Variants in PDK4 observed in about 807,000 individuals in gnomAD.
The protein encoded by PDK4 is pyruvate dehydrogenase kinase 4, also known as pyruvate dehydrogenase kinase, isozyme 4.
A neutral mutation model predicts 51.7 loss-of-function variants in PDK4; 43 were observed. The ratio of observed to expected loss-of-function variants is 0.83; its 90% CI spans 0.65 to 1.07. PDK4 has a LOEUF of 1.07. Ranked by LOEUF, PDK4 falls within the 50% of genes least tolerant of loss-of-function variation. The pLI, the probability that PDK4 is intolerant of heterozygous loss-of-function variation, is 0.00. For missense variants in PDK4, 498 were observed against 503.5 expected, an observed-to-expected ratio of 0.99 and a Z score of 0.10; for synonymous variants, 170 against 176.6, an observed-to-expected ratio of 0.96 and a Z score of 0.30.
At position 95,596,373 on chromosome 7, in the gene PDK4, G is replaced by A. The variant is rs1791622827; in HGVS notation, c.-80C>T. On this transcript the variant is annotated 5_prime_UTR_variant, in exon 1 of 11. Transcript: ENST00000005178. ...GCTCGGAGCAGAGCCTGGTTCCGAG[G>A]GGGCGCGGCGCGTCCGGGCGAGGAC... The A allele has an allele frequency of 7.0e-7, 1 of 1,429,114 alleles. No homozygotes were observed. The highest frequency in any genetic ancestry group is 1.4e-5 in the South Asian group (1 of 70,736). 88.5% of individuals were successfully genotyped at this position (1,429,114 alleles called of 1,614,324 possible).
rs1434849032 is a variant in PDK4, at chr7:95,592,553, C to T, written c.574G>A (p.Gly192Arg). 4 of 1,611,284 alleles carry T rather than the reference C, an allele frequency of 2.5e-6. No individual in the cohort carries two copies. The highest frequency in any genetic ancestry group is 3.3e-5 in the Admixed American group (2 of 60,006). The change falls in exon 5 of 11, where the codon GGA becomes AGA. Residue 192 changes from glycine to arginine, a missense_variant. Coordinates refer to ENST00000005178, the MANE Select transcript of PDK4 (RefSeq NM_002612.4). ...DSQTGNPSHI[G>R]SIDPNCDVVA... Reference sequence around the variant, plus strand: ...ACATCACAGTTAGGATCAATGCTTCCAATGTGGCTTGGGTTTCCTGTCTGT... The same window carrying T: ...ACATCACAGTTAGGATCAATGCTTCTAATGTGGCTTGGGTTTCCTGTCTGT...
intron 5 of PDK4, 57 bp downstream of exon 5, chr7:95,592,454 A>C: frequency 1.1e-6 from 1 of 945,240 alleles, no homozygotes; most frequent in South Asian, 1.3e-5. Flanking sequence ...AATTATAGAT[A>C]TGTCAATCAT....
intron 7 of PDK4, among the ~76,000 whole-genome samples, chr7:95,589,282 T>C (rs1258464839): frequency 6.6e-6 from 1 of 152,038 alleles, no homozygotes; most frequent in East Asian, 1.9e-4. Context: ...CCTGTGGGGG[T>C]GGAGGTAACA....
intron 1 of PDK4, among the ~76,000 whole-genome samples, chr7:95,595,924 A>T (rs949126142): frequency 1.3e-5 from 2 of 152,104 alleles, no homozygotes; most frequent in South Asian, 2.1e-4. Context: ...GAGTGTGCAG[A>T]TGAAGTCAAA....
chr7:95,586,773 CCTT>C (rs1377391776), intron 10 of PDK4: 2 of 395,312 alleles, frequency 5.1e-6, no homozygotes, highest in African/African-American at 2.0e-5. Context: ...AATGTATTAA[CCTT>C]CTTAGGAAAC....
chr7:95,589,708 G>GA lies in PDK4; in HGVS notation c.702dup (p.Pro235SerfsTer20). On this transcript the variant is annotated frameshift_variant, in exon 7 of 11. Transcript: ENST00000005178. LOFTEE classifies it high-confidence loss of function. Reference sequence around the variant, plus strand: ...TACACGATGTGAATTGGTTGGTCTGGAAATTTTCCTAGAAAAATAAAATTC... The same window carrying GA: ...TACACGATGTGAATTGGTTGGTCTGGAAAATTTTCCTAGAAAAATAAAATTC... The GA allele has an allele frequency of 6.4e-7, 1 of 1,556,390 alleles. No homozygotes were observed. The highest frequency in any genetic ancestry group is 8.9e-7 in the Non-Finnish European group (1 of 1,128,872).
chr7:95,589,503 T>A (rs1791526001), intron 7 of PDK4, 137 bp downstream of exon 7: 2 of 513,984 alleles, frequency 3.9e-6, no homozygotes, highest in Non-Finnish European at 7.0e-6. Flanking sequence ...TATAGTTTCT[T>A]TCTCTTAGGA....
At position 95,592,567 on chromosome 7, in the gene PDK4, T is replaced by C. The variant is rs146781803; in HGVS notation, c.560A>G (p.Asn187Ser). ...ATCAATGCTTCCAATGTGGCTTGGGTTTCCTGTCTGTGAGTCACTAAATAT... is the reference window on the plus strand; with the variant it reads ...ATCAATGCTTCCAATGTGGCTTGGGCTTCCTGTCTGTGAGTCACTAAATAT... ...ILIFSDSQTG[N>S]PSHIGSIDPN... Residue 187 changes from asparagine to serine, a missense_variant, in exon 5 of 11, where the codon AAC becomes AGC. Coordinates refer to ENST00000005178, the MANE Select transcript of PDK4 (RefSeq NM_002612.4). 1,831 of 1,610,882 alleles carry C rather than the reference T, an allele frequency of 1.1e-3. 48 individuals are homozygous for C. In the Admixed American group the frequency reaches 0.03, roughly 26 times the overall value.
chr7:95,585,898 TC>T, intron 10 of PDK4, 117 bp from the exon 11 acceptor site: 1 of 831,026 alleles, frequency 1.2e-6, no homozygotes, highest in Non-Finnish European at 1.9e-6. Context: ...TCAAATACAT[TC>T]ATTTAATTGA....
At chr7:95,594,505 CT>C (rs1562839297) in intron 2 of PDK4, among the ~76,000 whole-genome samples, 1 of 151,816 alleles carries the variant, frequency 6.6e-6, no homozygotes. Flanking sequence ...ACTTTAATCT[CT>C]TTAATAACAG....
At position 95,592,935 on chromosome 7, in the gene PDK4, A is replaced by G. The variant is rs1408526366; in HGVS notation, c.354T>C (p.Asp118=). The G allele has an allele frequency of 6.3e-7, 1 of 1,590,228 alleles. No homozygotes were observed. The highest frequency in any genetic ancestry group is 8.6e-7 in the Non-Finnish European group (1 of 1,165,272). Reference sequence around the variant, plus strand: ...GTCTATTTCGAACTTTGATGAGTGTATCTACAAAGCTAAGCCACAATATTT... The same window carrying G: ...GTCTATTTCGAACTTTGATGAGTGTGTCTACAAAGCTAAGCCACAATATTT... The part of the protein sequence containing the change: ...DDQKALSDFV[D]TLIKVRNRHH... The change falls in exon 4 of 11, where the codon GAT becomes GAC. Residue 118 remains aspartate (D), a synonymous_variant. Coordinates refer to ENST00000005178, the MANE Select transcript of PDK4 (RefSeq NM_002612.4).
rs59196288 is a variant in PDK4, at chr7:95,587,247, A to G, written c.982-124T>C. 2,889 of 712,318 alleles carry G rather than the reference A, an allele frequency of 4.1e-3. 78 individuals carry two copies. In the African/African-American group the frequency reaches 0.045, roughly 11 times the overall value. 44.1% of individuals were successfully genotyped at this position (712,318 alleles called of 1,614,324 possible). ...ACCTAAATAAATATCTTCTACTTCC[A>G]ATCAGACATCCCTTGTTTCACCATT... On this transcript the variant is annotated intron_variant, in intron 9 of 10. Transcript: ENST00000005178.
chr7:95,596,315 C>A lies in PDK4; in HGVS notation c.-22G>T. 1.9e-6 allele frequency: 3 copies of A among 1,556,934 alleles called. No individual in the cohort carries two copies. Among genetic ancestry groups the A allele is most frequent in the African/African-American group, 1.4e-5 (1 of 71,896 alleles). On this transcript the variant is annotated 5_prime_UTR_variant, in exon 1 of 11. Coordinates refer to ENST00000005178, the MANE Select transcript of PDK4 (RefSeq NM_002612.4). ...TCATCTTGACGCCCACCCGGCCTGG[C>A]GGGGACTGTGGCTGGCTTGAGGGGC...
At chr7:95,593,007 G>T in intron 3 of PDK4, 63 bp from the exon 4 acceptor site, 1 of 1,145,726 alleles carries the variant, frequency 8.7e-7, no homozygotes, top group Non-Finnish European at 1.2e-6. Context: ...ATACTCCTAA[G>T]GTTACTTCAC....
intron 1 of PDK4, 67 bp from the exon 2 acceptor site, chr7:95,595,231 T>C: frequency 9.5e-7 from 1 of 1,053,608 alleles, no homozygotes; most frequent in Non-Finnish European, 1.4e-6. Flanking sequence ...TAAATAGCAT[T>C]AACTATCAAA....
Position 95,593,758 on chromosome 7 carries a change from G to T in PDK4, c.285C>A (p.Ser95Arg). 6.5e-7 allele frequency: 1 copy of T among 1,540,056 alleles called. No homozygotes were observed. The highest frequency in any genetic ancestry group is 1.1e-5 in the South Asian group (1 of 89,432). ...VQLVKSWYIQ[S>R]LMDLVEFHEK... The stretch of plus-strand genomic sequence containing the variant: ...CATGGAATTCCACCAAATCCATCAG[G>T]CTCTGTATATACCTGTAAAGAAACA... The change falls in exon 3 of 11, where the codon AGC becomes AGA. Residue 95 changes from serine (S) to arginine (R), a missense_variant. Physicochemically the swap from Ser to Arg is moderately radical, Grantham distance 110. Coordinates refer to ENST00000005178, the MANE Select transcript of PDK4 (RefSeq NM_002612.4).
chr7:95,595,228 C>G, intron 1 of PDK4, 64 bp from the exon 2 acceptor site: 2 of 1,055,126 alleles, frequency 1.9e-6, no homozygotes, highest in Non-Finnish European at 2.8e-6. Flanking sequence ...ATCTAAATAG[C>G]ATTAACTATC....
rs10256946 is a variant in PDK4 at position 95,583,865 on chromosome 7, A to C, written c.*1776T>G. On this transcript the variant is annotated 3_prime_UTR_variant, in exon 11 of 11. Coordinates refer to ENST00000005178, the MANE Select transcript of PDK4 (RefSeq NM_002612.4). ...ATTTCAGTAAAAAACTGAAATGACA[A>C]ATAACCTACTGCAAACTGTTTTGTA... 6.5e-6 allele frequency: 1 copy of C among 152,676 alleles called. No homozygotes were observed. Among genetic ancestry groups the C allele is most frequent in the African/African-American group, 2.4e-5 (1 of 41,556 alleles). The allele number at this position is 152,676 out of a possible 1,614,324, so 9.5% of individuals were successfully genotyped here.
In PDK4 at chr7:95,592,515, G is replaced by T; in HGVS notation, c.612C>A (p.Val204=). The change falls in exon 5 of 11, where the codon GTC becomes GTA. Residue 204 remains valine, a synonymous_variant. Coordinates refer to ENST00000005178, the MANE Select transcript of PDK4 (RefSeq NM_002612.4). ...GTGCAGAAATACAGAACATACCTTG[G>T]ACCACTGCTACCACATCACAGTTAG... is the stretch of plus-strand genomic sequence containing the variant. ...IDPNCDVVAV[V]QDAFECSRML... The T allele has an allele frequency of 6.3e-7, 1 of 1,584,632 alleles. No individual in the cohort carries two copies. Among genetic ancestry groups the T allele is most frequent in the Non-Finnish European group, 8.7e-7 (1 of 1,153,294 alleles).
Sources: gnomAD v4.1 joint callset for allele counts (sites outside exome capture counted in the v4.1 genomes callset) on GRCh38, gnomAD v4.1.1 for gene constraint, MANE v1.5 for transcripts, NCBI Gene and HGNC (gene_info 2026-07-23, HGNC 2026-07-21) for gene names.